The following TRAPPC11 variants were observed in gnomAD, a reference collection of about 807,000 sequenced individuals.
The protein encoded by TRAPPC11 is trafficking protein particle complex subunit 11, also known as foie gras homolog.
TRAPPC11 carries 104 observed loss-of-function variants against 151.2 expected under a neutral mutation model. The observed-to-expected ratio is 0.69, with a 90% CI of 0.59 to 0.81. The LOEUF (loss-of-function observed/expected upper bound fraction) is 0.81. Ranked by LOEUF, TRAPPC11 falls within the 30% of genes least tolerant of loss-of-function variation. The probability of loss-of-function intolerance (pLI) is 0.00; values close to 1 mark genes in which losing one functional copy is unlikely to be tolerated. For missense variants in TRAPPC11, 1,230 were observed against 1,349.6 expected, an observed-to-expected ratio of 0.91 and a Z score of 1.39; for synonymous variants, 456 against 472.3, an observed-to-expected ratio of 0.97 and a Z score of 0.45.
At position 183,706,818 on chromosome 4, in the gene TRAPPC11, T is replaced by C. The variant is rs749816064; in HGVS notation, c.3067T>C (p.Phe1023Leu). 3.1e-6 allele frequency: 5 copies of C among 1,613,140 alleles called. No individual in the cohort carries two copies. The highest frequency in any genetic ancestry group is 4.2e-6 in the Non-Finnish European group (5 of 1,179,402). ...ATCTTTCTCTGTAGATCTGCCGTCA[T>C]TTGGGCGTGTCAGAGAGTCGTTACC... is the stretch of plus-strand genomic sequence containing the variant. ...PLHVNADLPSFGRVRESLPVK... is the reference protein window; with the variant it reads ...PLHVNADLPSLGRVRESLPVK... Residue 1023 changes from phenylalanine to leucine, a missense_variant, in exon 28 of 30, where the codon TTT (phenylalanine) becomes CTT (leucine). Transcript: ENST00000334690.
intron 18 of TRAPPC11, among the ~76,000 whole-genome samples, chr4:183,687,388 A>G (rs778349383): frequency 1.3e-5 from 2 of 151,850 alleles, no homozygotes; most frequent in Non-Finnish European, 2.9e-5. Flanking sequence ...TGCCCAGGCT[A>G]GAGTGCATTG....
In TRAPPC11 at chr4:183,674,708, T is replaced by C. The variant is rs771249796; in HGVS notation, c.561-5T>C. 6.6e-7 allele frequency: 1 copy of C among 1,513,622 alleles called. No individual in the cohort carries two copies. 93.8% of individuals were successfully genotyped at this position (1,513,622 alleles called of 1,614,324 possible). ...TAAATGCTTGTTTGTTTTTGTTTTTTACAGATTGGAAAATGCCTTTTATGA... is the reference window on the plus strand; with the variant it reads ...TAAATGCTTGTTTGTTTTTGTTTTTCACAGATTGGAAAATGCCTTTTATGA... On this transcript the variant is annotated splice_region_variant and splice_polypyrimidine_tract_variant and intron_variant, in intron 5 of 29. Transcript: ENST00000334690.
At chr4:183,704,918 TC>T in intron 26 of TRAPPC11, 60 bp from the exon 27 acceptor site, 1 of 1,114,544 alleles carries the variant, frequency 9.0e-7, no homozygotes. Context: ...TTGATGAACT[TC>T]TTTCATAGTT....
At position 183,694,036 on chromosome 4, in the gene TRAPPC11, C is replaced by G; in HGVS notation, c.2506C>G (p.Gln836Glu). ...TGTTGGAGACTTACATCCAGGGGAA[C>G]AGGTAAACTTGGTCAACTGGGATTG... ...IPVGDLHPGEQLEKMLYVRCG... is the reference protein window; with the variant it reads ...IPVGDLHPGEELEKMLYVRCG... The change falls in exon 22 of 30, where the codon CAG becomes GAG. Residue 836 changes from glutamine to glutamate, a missense_variant and splice_region_variant. By Grantham distance (29) the Gln-to-Glu change is conservative. Transcript: ENST00000334690. 6.2e-7 allele frequency: 1 copy of G among 1,613,206 alleles called. No individual in the cohort carries two copies. Among genetic ancestry groups the G allele is most frequent in the Admixed American group, 1.7e-5 (1 of 59,860 alleles).
Position 183,708,419 on chromosome 4 carries a change from A to G in TRAPPC11, c.3202A>G (p.Ile1068Val). The G allele has an allele frequency of 6.2e-7, 1 of 1,612,910 alleles. No individual in the cohort carries two copies. The highest frequency in any genetic ancestry group is 8.5e-7 in the Non-Finnish European group (1 of 1,179,540). ...FSGLKQIRLR[I>V]LPGTEQEMLY... ...TTTTATGATGCAGATTCGATTACGT[A>G]TCCTCCCTGGCACGGAGCAGGAAAT... Residue 1068 changes from isoleucine to valine, a missense_variant, in exon 29 of 30, where the codon ATC (isoleucine) becomes GTC (valine). By Grantham distance (29) the Ile-to-Val change is conservative. Coordinates refer to ENST00000334690, the MANE Select transcript of TRAPPC11 (RefSeq NM_021942.6).
intron 23 of TRAPPC11, among the ~76,000 whole-genome samples, chr4:183,696,721 T>C (rs1400487277): frequency 6.6e-6 from 1 of 152,152 alleles, no homozygotes. Context: ...ACAGACTCTT[T>C]TAGAAAGGAG....
chr4:183,687,822 A>G (rs1443390710), intron 18 of TRAPPC11, among the ~76,000 whole-genome samples: 1 of 152,216 alleles, frequency 6.6e-6, no homozygotes, highest in Non-Finnish European at 1.5e-5. Flanking sequence ...TGAAAAGTAA[A>G]TGTGTGTCTT....
At chr4:183,704,876 G>T in intron 26 of TRAPPC11, 103 bp from the exon 27 acceptor site, 1 of 581,874 alleles carries the variant, frequency 1.7e-6, no homozygotes, top group South Asian at 3.4e-5. Flanking sequence ...CATTTCCTTT[G>T]AAACTAGCTG....
chr4:183,710,813 G>A (rs545574014), intron 29 of TRAPPC11, among the ~76,000 whole-genome samples: 15 of 151,878 alleles, frequency 9.9e-5, no homozygotes, highest in Non-Finnish European at 1.6e-4. Flanking sequence ...TGGATCACCT[G>A]AGGTCAGGAG....
In TRAPPC11 at chr4:183,683,995, G is replaced by T. The variant is rs762649639; in HGVS notation, c.1228G>T (p.Glu410Ter). Residue 410 changes from glutamate to a stop codon, truncating the protein, a stop_gained, in exon 12 of 30, where the codon GAA becomes TAA. Coordinates refer to ENST00000334690, the MANE Select transcript of TRAPPC11 (RefSeq NM_021942.6). LOFTEE classifies it high-confidence loss of function. ...GILSFDLSDPEKEKVGILAIQ... is the reference protein window; with the variant it reads ...GILSFDLSDP The stretch of plus-strand genomic sequence containing the variant: ...CGCAGGTTTTGATCTTTCTGATCCT[G>T]AAAAAGAAAAGGTGGGAATTCTTGC... The T allele has an allele frequency of 6.2e-7, 1 of 1,614,012 alleles. No homozygotes were observed. Among genetic ancestry groups the T allele is most frequent in the Admixed American group, 1.7e-5 (1 of 60,020 alleles).
intron 23 of TRAPPC11, 111 bp downstream of exon 23, chr4:183,694,834 G>T (rs1736451266): frequency 9.2e-7 from 1 of 1,085,376 alleles, no homozygotes; most frequent in Non-Finnish European, 1.3e-6. Context: ...GGTGCTTATA[G>T]TCTGTTATAA....
rs559575528 is a variant in TRAPPC11, at chr4:183,712,734, A to G, written c.*90A>G. 8.2e-6 allele frequency: 11 copies of G among 1,349,584 alleles called. No individual in the cohort carries two copies. In the South Asian group the frequency reaches 9.8e-5, roughly 12 times the overall value. 83.6% of individuals were successfully genotyped at this position (1,349,584 alleles called of 1,614,324 possible). ...TGTGAACTCTAGCTTTGATCATGGTAAAAAGTTAACCTTTTCTATTTTTTA... is the reference window on the plus strand; with the variant it reads ...TGTGAACTCTAGCTTTGATCATGGTGAAAAGTTAACCTTTTCTATTTTTTA... On this transcript the variant is annotated 3_prime_UTR_variant, in exon 30 of 30. Transcript: ENST00000334690.
chr4:183,662,369 AAAAG>A (rs1310871854), intron 1 of TRAPPC11, among the ~76,000 whole-genome samples: 2 of 151,714 alleles, frequency 1.3e-5, no homozygotes, highest in African/African-American at 2.4e-5. Flanking sequence ...AAAAAAAAAA[AAAAG>A]AACCTCATGT....
chr4:183,708,546 G>A lies in TRAPPC11; in HGVS notation c.3329G>A (p.Arg1110His), dbSNP rs369105119. The change falls in exon 29 of 30, where the codon CGT (arginine) becomes CAT (histidine). Residue 1110 changes from arginine (R) to histidine (H), a missense_variant. Transcript: ENST00000334690. ...AACTTCACAAATCAGCTGCTCAGGCGTTTTATACCTACCAGTATTTTTGTC... is the reference window on the plus strand; with the variant it reads ...AACTTCACAAATCAGCTGCTCAGGCATTTTATACCTACCAGTATTTTTGTC... Reference protein sequence around the residue: ...FPNFTNQLLRRFIPTSIFVKP... With the variant: ...FPNFTNQLLRHFIPTSIFVKP... 6.2e-4 allele frequency: 993 copies of A among 1,613,942 alleles called. 15 individuals are homozygous for A. The South Asian group carries it at 0.01, about 17-fold the overall frequency.
At chr4:183,680,984 C>T (rs150895255) in intron 10 of TRAPPC11, among the ~76,000 whole-genome samples, 16 of 151,908 alleles carry the variant, frequency 1.1e-4, no homozygotes, top group Admixed American at 2.6e-4. Flanking sequence ...TGAGCCACCG[C>T]GCCTGGCCTC....
chr4:183,665,123 C>T (rs1322345594), intron 2 of TRAPPC11, among the ~76,000 whole-genome samples: 7 of 115,112 alleles, frequency 6.1e-5, no homozygotes, highest in Non-Finnish European at 8.2e-5. Context: ...GAGACGGAGT[C>T]TCGCTCTGTC....
chr4:183,675,322 A>C, intron 7 of TRAPPC11, 85 bp downstream of exon 7: 1 of 791,524 alleles, frequency 1.3e-6, no homozygotes, highest in Non-Finnish European at 1.9e-6. Context: ...CAGCCAAAGT[A>C]TAATTAAGTT....
chr4:183,664,539 A>G (rs1334417130), intron 2 of TRAPPC11, among the ~76,000 whole-genome samples: 2 of 152,200 alleles, frequency 1.3e-5, no homozygotes, highest in Non-Finnish European at 2.9e-5. Context: ...GGAGTTTTAC[A>G]TAAACTAACA....
rs370789553 is a variant in TRAPPC11, at chr4:183,663,924, T to G, written c.57T>G (p.Phe19Leu). The G allele has an allele frequency of 6.2e-7, 1 of 1,614,114 alleles. No individual in the cohort carries two copies. Among genetic ancestry groups the G allele is most frequent in the Admixed American group, 1.7e-5 (1 of 60,010 alleles). The change falls in exon 2 of 30, where the codon TTT (phenylalanine) becomes TTG (leucine). Residue 19 changes from phenylalanine (F) to leucine (L), a missense_variant. Coordinates refer to ENST00000334690, the MANE Select transcript of TRAPPC11 (RefSeq NM_021942.6). Reference protein sequence around the residue: ...PVELCCRPMAFVTLTGLDVVY... With the variant: ...PVELCCRPMALVTLTGLDVVY... ...AATTATGTTGCCGGCCTATGGCCTT[T>G]GTTACTCTAACGGGCCTGGATGTAG...
Sources: gnomAD v4.1 joint callset for allele counts (sites outside exome capture counted in the v4.1 genomes callset) on GRCh38, gnomAD v4.1.1 for gene constraint, MANE v1.5 for transcripts, NCBI Gene and HGNC (gene_info 2026-07-23, HGNC 2026-07-21) for gene names.